Variants in DLX4 observed in about 807,000 individuals in gnomAD.
The protein encoded by DLX4 is distal-less homeobox 4, also known as homeobox protein DLX-4.
A neutral mutation model predicts 17.1 loss-of-function variants in DLX4; 13 were observed. That is an observed-to-expected ratio of 0.76 (90% confidence interval 0.49 to 1.21). The LOEUF (loss-of-function observed/expected upper bound fraction) is 1.21, where lower values mean the gene tolerates loss of function less well. DLX4 is among the 50% of genes most tolerant of loss of function. DLX4 has a pLI of 0.00. For synonymous variants in DLX4, 129 were observed against 140.3 expected, an observed-to-expected ratio of 0.92 and a Z score of 0.57; for missense variants, 297 against 301.4, an observed-to-expected ratio of 0.99 and a Z score of 0.11.
chr17:49,973,308 C>G (rs1905591605), intron 2 of DLX4, 39 bp downstream of exon 2: 15 of 1,603,908 alleles, frequency 9.4e-6, no homozygotes, highest in Non-Finnish European at 1.3e-5. Context: ...CTCACCTTCC[C>G]TGGTTCTCTG....
At chr17:49,971,624 G>A (rs1905508999) in intron 1 of DLX4, among the ~76,000 whole-genome samples, 1 of 152,184 alleles carries the variant, frequency 6.6e-6, no homozygotes, top group African/African-American at 2.4e-5. Flanking sequence ...AACCGGGTCG[G>A]CCTCAGAGAC....
Position 49,974,935 on chromosome 17 carries a change from A to G in DLX4, c.*992A>G, listed in dbSNP as rs1905671734. 6.6e-6 allele frequency: 1 copy of G among 152,196 alleles called. No individual in the cohort carries two copies. The highest frequency in any genetic ancestry group is 2.4e-5 in the African/African-American group (1 of 41,450). 9.4% of individuals were successfully genotyped at this position (152,196 alleles called of 1,614,324 possible). ...AGCTTCACACCACCAGCTTCCAGAGATTAAAGTTTGTACAAAACATTGCAT... is the reference window on the plus strand; with the variant it reads ...AGCTTCACACCACCAGCTTCCAGAGGTTAAAGTTTGTACAAAACATTGCAT... On this transcript the variant is annotated 3_prime_UTR_variant, in exon 3 of 3. Coordinates refer to ENST00000240306, the MANE Select transcript of DLX4 (RefSeq NM_138281.3).
chr17:49,971,515 A>G (rs1002023586), intron 1 of DLX4, among the ~76,000 whole-genome samples: 6 of 152,078 alleles, frequency 3.9e-5, no homozygotes, highest in African/African-American at 7.2e-5. Flanking sequence ...AGATCTCGTA[A>G]CTTGCTGGAA....
At chr17:49,969,177 G>A, upstream of DLX4, 1 of 334,002 alleles carries the variant, frequency 3.0e-6, no homozygotes, top group Non-Finnish European at 5.4e-6. Flanking sequence ...ACGTCTAAGA[G>A]GGCGGGGCCC....
At position 49,973,082 on chromosome 17, in the gene DLX4, A is replaced by G. The variant is rs1215143218; in HGVS notation, c.293A>G (p.Lys98Arg). The change falls in exon 2 of 3, where the codon AAG becomes AGG. Residue 98 changes from lysine to arginine, a missense_variant. Coordinates refer to ENST00000240306, the MANE Select transcript of DLX4 (RefSeq NM_138281.3). The stretch of plus-strand genomic sequence containing the variant: ...TTGTGCTGCCCACCAGACTCGGAGA[A>G]GCCGCGGCTGTCCCCGGAACCCTCC... Reference protein sequence around the residue: ...HPQELEADSEKPRLSPEPSER... With the variant: ...HPQELEADSERPRLSPEPSER... 1 of 1,613,972 alleles carries G rather than the reference A, an allele frequency of 6.2e-7. No individual in the cohort carries two copies. Among genetic ancestry groups the G allele is most frequent in the Admixed American group, 1.7e-5 (1 of 60,014 alleles).
chr17:49,969,127 A>T (rs2144155502), upstream of DLX4: 3 of 239,976 alleles, frequency 1.3e-5, no homozygotes, highest in East Asian at 1.9e-4. Flanking sequence ...GCCCGGCTGC[A>T]AGTCTCCGTG....
chr17:49,972,716 G>T lies in DLX4; in HGVS notation c.284-357G>T, dbSNP rs140198680. On this transcript the variant is annotated intron_variant, in intron 1 of 2. Coordinates refer to ENST00000240306, the MANE Select transcript of DLX4 (RefSeq NM_138281.3). The surrounding 1 kb of genome is among the most constrained non-coding windows in gnomAD (Gnocchi z 5.4). ...GCCCTGGACCTAGCCTTTCTGCCCC[G>T]CCCTACCCCAAGCTGGCGCCACCGC... 1.5e-6 allele frequency: 2 copies of T among 1,352,966 alleles called. No individual in the cohort carries two copies. Among genetic ancestry groups the T allele is most frequent in the South Asian group, 1.9e-5 (1 of 52,798 alleles). The allele number at this position is 1,352,966 out of a possible 1,614,324, so 83.8% of individuals were successfully genotyped here. A position where few individuals can be genotyped will look rare whatever the true frequency, so the allele number is the denominator to read the frequency against.
In DLX4 at chr17:49,973,725, C is replaced by T. The variant is rs149498057; in HGVS notation, c.505C>T (p.Arg169Cys). Residue 169 changes from arginine (R) to cysteine (C), a missense_variant, in exon 3 of 3, where the codon CGC becomes TGC. Arg to Cys is a radical substitution (Grantham distance 180). Transcript: ENST00000240306. ...GGTAAAGATCTGGTTTCAGAACAAA[C>T]GCTCCAAGTATAAGAAGCTCCTGAA... ...TQVKIWFQNK[R>C]SKYKKLLKQN... The T allele has an allele frequency of 2.7e-5, 41 of 1,506,024 alleles. No individual in the cohort carries two copies. In the East Asian group the frequency reaches 4.3e-4, roughly 16 times the overall value. The allele number at this position is 1,506,024 out of a possible 1,614,324, so 93.3% of individuals were successfully genotyped here.
At chr17:49,970,199 A>G (rs1905457112) in intron 1 of DLX4, among the ~76,000 whole-genome samples, 1 of 152,170 alleles carries the variant, frequency 6.6e-6, no homozygotes, top group African/African-American at 2.4e-5. Context: ...GATCAAGCCA[A>G]ACACTGAAAA....
At chr17:49,973,544 C>A in intron 2 of DLX4, 157 bp from the exon 3 acceptor site, 1 of 1,070,698 alleles carries the variant, frequency 9.3e-7, no homozygotes, top group Non-Finnish European at 1.3e-6. Context: ...ACTCAGAAGG[C>A]TCCTGGGGCT....
upstream of DLX4, chr17:49,969,081 A>G (rs986158221): frequency 3.1e-5 from 6 of 193,498 alleles, no homozygotes; most frequent in Admixed American, 3.7e-4. Context: ...TCTCCCATTT[A>G]CCACTTCTCT....
At chr17:49,973,029 T>A (rs1265455290) in intron 1 of DLX4, 44 bp from the exon 2 acceptor site, 1 of 1,604,352 alleles carries the variant, frequency 6.2e-7, no homozygotes, top group African/African-American at 1.3e-5. Context: ...TCCTACCCCC[T>A]CGCTCCCTCC....
chr17:49,970,157 C>A (rs1400534582), intron 1 of DLX4, among the ~76,000 whole-genome samples: 2 of 152,322 alleles, frequency 1.3e-5, no homozygotes, highest in Non-Finnish European at 2.9e-5. Flanking sequence ...ATTGTCGCCC[C>A]TCTCTGCGTT....
At position 49,972,711 on chromosome 17, in the gene DLX4, G is replaced by T; in HGVS notation, c.284-362G>T. The T allele has an allele frequency of 5.2e-6, 7 of 1,349,344 alleles. No individual in the cohort carries two copies. The highest frequency in any genetic ancestry group is 6.6e-6 in the Non-Finnish European group (7 of 1,054,648). The allele number at this position is 1,349,344 out of a possible 1,614,324, so 83.6% of individuals were successfully genotyped here. On this transcript the variant is annotated intron_variant, in intron 1 of 2. Coordinates refer to ENST00000240306, the MANE Select transcript of DLX4 (RefSeq NM_138281.3). The surrounding 1 kb of genome is among the most constrained non-coding windows in gnomAD (Gnocchi z 5.4). ...GCTCAGCCCTGGACCTAGCCTTTCT[G>T]CCCCGCCCTACCCCAAGCTGGCGCC...
Position 49,969,741 on chromosome 17 carries a change from A to T in DLX4, c.273A>T (p.Glu91Asp), listed in dbSNP as rs1193847790. ...PLCGPAEHPQ[E>D]LEADSEKPRL... ...GCGGACCTGCAGAGCACCCTCAGGA[A>T]CTCGAGGCAGGTAAGTTCGGCCGTG... The change falls in exon 1 of 3, where the codon GAA (glutamate) becomes GAT (aspartate). Residue 91 changes from glutamate (E) to aspartate (D), a missense_variant. Physicochemically the swap from Glu to Asp is conservative, Grantham distance 45 (BLOSUM62 2). Transcript: ENST00000240306. 3.1e-6 allele frequency: 5 copies of T among 1,593,966 alleles called. No homozygotes were observed. Among genetic ancestry groups the T allele is most frequent in the Non-Finnish European group, 4.2e-6 (5 of 1,176,556 alleles).
Position 49,974,768 on chromosome 17 carries a change from A to G in DLX4, c.*825A>G, listed in dbSNP as rs8066341. ...TTGGAAACCTGGTAAAGTAACACTT[A>G]GGGGGAAATGGGGACAAACTGGCTC... On this transcript the variant is annotated 3_prime_UTR_variant, in exon 3 of 3. Coordinates refer to ENST00000240306, the MANE Select transcript of DLX4 (RefSeq NM_138281.3). The G allele has an allele frequency of 0.21, 32,078 of 151,908 alleles. 3,486 individuals are homozygous for G. Among genetic ancestry groups the G allele is most frequent in the South Asian group, 0.3 (1,433 of 4,812 alleles). 9.4% of individuals were successfully genotyped at this position (151,908 alleles called of 1,614,324 possible).
Position 49,972,770 on chromosome 17 carries a change from A to C in DLX4, c.284-303A>C. 7.4e-7 allele frequency: 1 copy of C among 1,355,800 alleles called. No individual in the cohort carries two copies. Among genetic ancestry groups the C allele is most frequent in the Non-Finnish European group, 9.5e-7 (1 of 1,056,256 alleles). 84.0% of individuals were successfully genotyped at this position (1,355,800 alleles called of 1,614,324 possible). On this transcript the variant is annotated intron_variant, in intron 1 of 2. Coordinates refer to ENST00000240306, the MANE Select transcript of DLX4 (RefSeq NM_138281.3). The surrounding 1 kb of genome is among the most constrained non-coding windows in gnomAD (Gnocchi z 5.4). Reference sequence around the variant, plus strand: ...TGGCTGAACTCCGACCTCCCACCGCAGGCGCCGCGGTACCCTGGCTGTGGC... The same window carrying C: ...TGGCTGAACTCCGACCTCCCACCGCCGGCGCCGCGGTACCCTGGCTGTGGC...
chr17:49,970,917 TC>T (rs781694354), intron 1 of DLX4, among the ~76,000 whole-genome samples: 4 of 152,164 alleles, frequency 2.6e-5, no homozygotes, highest in Non-Finnish European at 4.4e-5. Context: ...GCCAGGAGCA[TC>T]GATTTTAGGG....
chr17:49,973,958 G>A lies in DLX4; in HGVS notation c.*15G>A, dbSNP rs371538328. 18 of 1,589,592 alleles carry A rather than the reference G, an allele frequency of 1.1e-5. No homozygotes were observed. Among genetic ancestry groups the A allele is most frequent in the South Asian group, 9.1e-5 (8 of 87,662 alleles). On this transcript the variant is annotated 3_prime_UTR_variant, in exon 3 of 3. Transcript: ENST00000240306. Reference sequence around the variant, plus strand: ...AGATGATGTGAATCTGGGGAAGGGCGGGTCAGGCCCACAGCCTTCCTGCAA... The same window carrying A: ...AGATGATGTGAATCTGGGGAAGGGCAGGTCAGGCCCACAGCCTTCCTGCAA...
Sources: gnomAD v4.1 joint callset for allele counts (sites outside exome capture counted in the v4.1 genomes callset) on GRCh38, gnomAD v4.1.1 for gene constraint, Gnocchi (gnomAD v3.1) non-coding constraint, MANE v1.5 for transcripts, NCBI Gene and HGNC (gene_info 2026-07-23, HGNC 2026-07-21) for gene names.